CEP63: variants seen among roughly 807,000 people sequenced by gnomAD.
The protein encoded by CEP63 is centrosomal protein 63.
A neutral mutation model predicts 89.1 loss-of-function variants in CEP63; 84 were observed. The observed-to-expected ratio is 0.94, with a 90% confidence interval of 0.79 to 1.13. The LOEUF (loss-of-function observed/expected upper bound fraction) is 1.13, where lower values mean the gene tolerates loss of function less well. CEP63 is among the 50% of genes most tolerant of loss of function. CEP63 has a pLI of 0.00. For missense variants in CEP63, 838 were observed against 813.3 expected, an observed-to-expected ratio of 1.03 and a Z score of -0.37; for synonymous variants, 267 against 272.5, an observed-to-expected ratio of 0.98 and a Z score of 0.20.
the CEP63 span, among the ~76,000 whole-genome samples, chr3:134,691,041 G>T: frequency 8.5e-5 from 13 of 152,168 alleles, no homozygotes; most frequent in Non-Finnish European, 1.9e-4. Flanking sequence ...GAGCCACCGT[G>T]CCTGGCCAAG....
At chr3:134,527,359 G>A (rs1421363108) in intron 3 of CEP63, among the ~76,000 whole-genome samples, 1 of 152,128 alleles carries the variant, frequency 6.6e-6, no homozygotes, top group Admixed American at 6.5e-5. Flanking sequence ...TGCAGGGGAG[G>A]ATCTGTTATT....
In CEP63 at chr3:134,538,198, G is replaced by GTTT. The variant is rs66539157; in HGVS notation, c.555+948_555+950dup. 5.3e-3 allele frequency among the ~76,000 whole-genome samples: 601 copies of GTTT among 112,580 alleles called. 10 individuals are homozygous for GTTT. The South Asian group carries it at 0.059, about 11-fold the overall frequency. The allele number at this position is 112,580 out of a possible 152,430, so 73.9% of individuals were successfully genotyped here. A position where few individuals can be genotyped will look rare whatever the true frequency, so the allele number is the denominator to read the frequency against. On this transcript the variant is annotated intron_variant, in intron 6 of 14. Coordinates refer to ENST00000675561, the MANE Select transcript of CEP63 (RefSeq NM_001353108.3). ...TAAGTTGAAATAGCTAGAAGGGAGG[G>GTTT]TTTTTTTTTTTTTTTTTTTTGGCTT...
chr3:134,531,977 TTC>T (rs780948714), intron 4 of CEP63, 37 bp downstream of exon 4: 30 of 1,408,652 alleles, frequency 2.1e-5, no homozygotes, highest in Non-Finnish European at 2.8e-5. Flanking sequence ...GTGTGTGTAG[TTC>T]TCTCTCTTTC....
At chr3:134,569,513 G>A (rs1957930789), downstream of CEP63, among the ~76,000 whole-genome samples, 1 of 152,188 alleles carries the variant, frequency 6.6e-6, no homozygotes, top group Non-Finnish European at 1.5e-5. Flanking sequence ...GATCTCTTTT[G>A]ACCCCATGTC....
chr3:134,643,516 C>G, the CEP63 span: 4 of 660,280 alleles, frequency 6.1e-6, no homozygotes, highest in Non-Finnish European at 1.1e-5. Context: ...TGTGCACACC[C>G]TCACAGTGTG....
chr3:134,685,212 A>T, the CEP63 span, among the ~76,000 whole-genome samples: 4 of 152,132 alleles, frequency 2.6e-5, no homozygotes, highest in African/African-American at 7.2e-5. Context: ...CATCTTATTC[A>T]TAAGTGTATT....
the CEP63 span, among the ~76,000 whole-genome samples, chr3:134,639,063 C>CTTTT: frequency 8.2e-6 from 1 of 121,322 alleles, no homozygotes. Flanking sequence ...TTTTTTTCTA[C>CTTTT]TTTGGAGTTT....
chr3:134,610,799 T>C, the CEP63 span: 2 of 158,840 alleles, frequency 1.3e-5, no homozygotes, highest in Non-Finnish European at 2.8e-5. Context: ...AAAACCTACA[T>C]GTAAGGGGCG....
At chr3:134,571,717 T>A (rs548288183) in intron 11 of CEP63, among the ~76,000 whole-genome samples, 6 of 152,092 alleles carry the variant, frequency 3.9e-5, no homozygotes, top group African/African-American at 1.4e-4. Flanking sequence ...CAACAAAAGA[T>A]ACAAAGCATT....
the CEP63 span, among the ~76,000 whole-genome samples, chr3:134,763,669 G>A: frequency 6.6e-6 from 1 of 152,202 alleles, no homozygotes; most frequent in South Asian, 2.1e-4. Flanking sequence ...TCCAATGCAC[G>A]TATTCTTTCC....
intron 3 of CEP63, among the ~76,000 whole-genome samples, chr3:134,512,572 A>G (rs1173402270): frequency 1.3e-5 from 2 of 152,206 alleles, no homozygotes; most frequent in African/African-American, 4.8e-5. Flanking sequence ...AAAAAATAGT[A>G]ATCTTCCCCA....
the CEP63 span, among the ~76,000 whole-genome samples, chr3:134,657,306 C>T: frequency 1.6e-3 from 247 of 152,280 alleles, 2 homozygotes; most frequent in East Asian, 0.011. Context: ...CCTCTGGGTC[C>T]CTCCCACAAC....
rs1432935481 is a variant in CEP63 at position 134,562,309 on chromosome 3, G to GGA, written c.*784_*785dup. ...TGATAAGATCCACCAGGGAGGCTGTGGAGAGAGAGAGGAGCAGGAGGCTGG... is the reference window on the plus strand; with the variant it reads ...TGATAAGATCCACCAGGGAGGCTGTGGAGAGAGAGAGAGGAGCAGGAGGCTGG... On this transcript the variant is annotated 3_prime_UTR_variant, in exon 15 of 15. Transcript: ENST00000675561. 3 of 820,290 alleles carry GGA rather than the reference G, an allele frequency of 3.7e-6. No homozygotes were observed. The highest frequency in any genetic ancestry group is 4.4e-6 in the Non-Finnish European group (3 of 678,886). The allele number at this position is 820,290 out of a possible 1,614,324, so 50.8% of individuals were successfully genotyped here.
chr3:134,640,252 C>G, the CEP63 span, among the ~76,000 whole-genome samples: 1 of 152,098 alleles, frequency 6.6e-6, no homozygotes, highest in East Asian at 1.9e-4. Flanking sequence ...AAATCAACAC[C>G]ACCAGATTGG....
At chr3:134,495,397 G>T in intron 2 of CEP63, 33 bp downstream of exon 2, 1 of 1,370,300 alleles carries the variant, frequency 7.3e-7, no homozygotes, top group South Asian at 1.2e-5. Flanking sequence ...TAATTTTTTT[G>T]GTTAATACAT....
the CEP63 span, among the ~76,000 whole-genome samples, chr3:134,712,265 T>C: frequency 1.2e-4 from 19 of 152,322 alleles, no homozygotes; most frequent in Admixed American, 1.2e-3. Context: ...GGAAATATCC[T>C]TGTATTTTTT....
chr3:134,560,035 CA>C (rs1209238171), intron 14 of CEP63, among the ~76,000 whole-genome samples: 1 of 152,198 alleles, frequency 6.6e-6, no homozygotes, highest in African/African-American at 2.4e-5. Flanking sequence ...TGTGAAAGTG[CA>C]GTATTTCTGA....
the CEP63 span, among the ~76,000 whole-genome samples, chr3:134,777,832 G>A: frequency 7.8e-3 from 1,187 of 151,892 alleles, 28 homozygotes; most frequent in Admixed American, 0.043. Context: ...GGCCAGGCTG[G>A]TCTCGAACTC....
At chr3:134,576,322 T>A (rs10935122), downstream of CEP63, among the ~76,000 whole-genome samples, 151,862 of 152,380 alleles carry the variant, frequency 1, 75,677 homozygotes, top group Middle Eastern at 1. Flanking sequence ...TCATTCATCA[T>A]ACATTAATCA....
Sources: gnomAD v4.1 joint callset for allele counts (sites outside exome capture counted in the v4.1 genomes callset) on GRCh38, gnomAD v4.1.1 for gene constraint, MANE v1.5 for transcripts, NCBI Gene and HGNC (gene_info 2026-07-23, HGNC 2026-07-21) for gene names.